The following SP100 variants were observed in gnomAD, a reference collection of about 807,000 sequenced individuals.
SP100 encodes the protein nuclear autoantigen Sp-100.
Under a neutral mutation model 130.0 loss-of-function variants are expected in SP100, and 84 were observed. That is an observed-to-expected ratio of 0.65 (90% confidence interval 0.54 to 0.77). The LOEUF (loss-of-function observed/expected upper bound fraction) is 0.77. Ranked by LOEUF, SP100 falls within the 30% of genes least tolerant of loss-of-function variation. The pLI, the probability that SP100 is intolerant of heterozygous loss-of-function variation, is 0.00. For synonymous variants in SP100, 331 were observed against 351.7 expected, an observed-to-expected ratio of 0.94 and a Z score of 0.66; for missense variants, 978 against 1,052.2, an observed-to-expected ratio of 0.93 and a Z score of 0.97.
chr2:230,524,179 C>CAAAAA (rs71420292), intron 24 of SP100, among the ~76,000 whole-genome samples: 11 of 75,374 alleles, frequency 1.5e-4, no homozygotes, highest in African/African-American at 3.2e-4. Context: ...ACTAAAAATA[C>CAAAAA]AAAAAAAAAA....
intron 2 of SP100, among the ~76,000 whole-genome samples, chr2:230,431,282 C>T (rs2063091893): frequency 6.6e-6 from 1 of 152,228 alleles, no homozygotes; most frequent in East Asian, 1.9e-4. Context: ...AGAATTGGGC[C>T]TCCTAAGAAG....
rs561487781 is a variant in SP100, at chr2:230,526,540, A to AACACAC, written c.2095-12724_2095-12723insCACACA. ...GATTGCAGCTCCTCACCAGCAAGGGAACAAAACTGGACGGAGAATGAGTTT... is the reference window on the plus strand; with the variant it reads ...GATTGCAGCTCCTCACCAGCAAGGGAACACACACAAAACTGGACGGAGAATGAGTTT... On this transcript the variant is annotated intron_variant, in intron 24 of 28. Transcript: ENST00000340126. Among the ~76,000 whole-genome samples, 15 of 152,306 alleles carry AACACAC rather than the reference A, an allele frequency of 9.8e-5. No individual in the cohort carries two copies. The South Asian group carries it at 2.9e-3, about 29-fold the overall frequency.
intron 2 of SP100, among the ~76,000 whole-genome samples, chr2:230,431,917 CTGTTT>C (rs2063111197): frequency 6.6e-6 from 1 of 152,048 alleles, no homozygotes; most frequent in Admixed American, 6.6e-5. Flanking sequence ...TAAAATTCTC[CTGTTT>C]TAAGTGTGTA....
chr2:230,427,749 C>T (rs1056110345), intron 2 of SP100, among the ~76,000 whole-genome samples: 3 of 152,116 alleles, frequency 2.0e-5, no homozygotes, highest in African/African-American at 7.2e-5. Context: ...TACTATGAGG[C>T]TTACATAAAA....
intron 10 of SP100, among the ~76,000 whole-genome samples, chr2:230,463,035 C>T (rs1253512655): frequency 4.6e-5 from 7 of 152,160 alleles, no homozygotes; most frequent in African/African-American, 1.7e-4. Context: ...TGATAGAGTT[C>T]TTCAGCAAGT....
intron 8 of SP100, among the ~76,000 whole-genome samples, chr2:230,452,729 T>A (rs562103406): frequency 1.3e-5 from 2 of 152,216 alleles, no homozygotes; most frequent in East Asian, 3.9e-4. Flanking sequence ...TTTCAGAGAG[T>A]TTATTGTTAG....
At chr2:230,464,009 T>G (rs927598813) in intron 10 of SP100, 58 bp from the exon 11 acceptor site, 3 of 1,175,012 alleles carry the variant, frequency 2.6e-6, no homozygotes, top group Non-Finnish European at 2.5e-6. Context: ...AATTTCCTAC[T>G]GAACTGATTC....
chr2:230,455,097 C>G (rs1413928386), intron 8 of SP100, among the ~76,000 whole-genome samples: 1 of 152,030 alleles, frequency 6.6e-6, no homozygotes, highest in African/African-American at 2.4e-5. Flanking sequence ...GTTTTGGAGA[C>G]AGGGTCTTGC....
chr2:230,467,596 G>A (rs2065027385), intron 13 of SP100, among the ~76,000 whole-genome samples: 1 of 152,216 alleles, frequency 6.6e-6, no homozygotes, highest in African/African-American at 2.4e-5. Context: ...CAAGAGAAGA[G>A]AGCTTCTGCT....
intron 25 of SP100, among the ~76,000 whole-genome samples, chr2:230,540,234 G>T (rs1184830178): frequency 1.3e-5 from 2 of 152,198 alleles, no homozygotes; most frequent in African/African-American, 4.8e-5. Flanking sequence ...TGGCCAAGGG[G>T]ATGCTGGCAT....
intron 24 of SP100, among the ~76,000 whole-genome samples, chr2:230,525,854 A>AC (rs201388285): frequency 0.014 from 2,105 of 152,290 alleles, 47 homozygotes; most frequent in African/African-American, 0.047. Context: ...AGGGGCACCC[A>AC]CCATTGCTAA....
chr2:230,426,489 A>G (rs1229764598), intron 2 of SP100, among the ~76,000 whole-genome samples: 1 of 150,656 alleles, frequency 6.6e-6, no homozygotes, highest in South Asian at 2.1e-4. Flanking sequence ...TCTTTGATCT[A>G]TTGGTTATTC....
chr2:230,449,343 C>A (rs2063855856), intron 6 of SP100, 193 bp downstream of exon 6: 1 of 777,606 alleles, frequency 1.3e-6, no homozygotes, highest in East Asian at 2.6e-5. Flanking sequence ...TCCTCCCACA[C>A]CCCTTAATCA....
At position 230,467,128 on chromosome 2, in the gene SP100, C is replaced by A; in HGVS notation, c.1204C>A (p.Gln402Lys). 1 of 1,613,358 alleles carries A rather than the reference C, an allele frequency of 6.2e-7. No individual in the cohort carries two copies. Among genetic ancestry groups the A allele is most frequent in the Non-Finnish European group, 8.5e-7 (1 of 1,179,324 alleles). The stretch of plus-strand genomic sequence containing the variant: ...TTTGCTCCTTTCTGCAGTGATAGGA[C>A]AAGACCACGACTTTTCAGAATCCAG... ...RESFKKRVIG[Q>K]DHDFSESSEE... The change falls in exon 13 of 29, where the codon CAA becomes AAA. Residue 402 changes from glutamine to lysine, a missense_variant. By Grantham distance (53) the Gln-to-Lys change is moderately conservative (BLOSUM62 1). Coordinates refer to ENST00000340126, the MANE Select transcript of SP100 (RefSeq NM_001080391.2).
Position 230,420,897 on chromosome 2 carries a change from C to T in SP100, c.107+3232C>T, listed in dbSNP as rs192428466. The stretch of plus-strand genomic sequence containing the variant: ...TGTATTTTGAAATGATGTGCTGATA[C>T]AGCTCTTTGTAATTTTTCAAGTTTC... On this transcript the variant is annotated intron_variant, in intron 2 of 28. Coordinates refer to ENST00000340126, the MANE Select transcript of SP100 (RefSeq NM_001080391.2). 1.6e-4 allele frequency among the ~76,000 whole-genome samples: 25 copies of T among 152,218 alleles called. No individual in the cohort carries two copies. The East Asian group carries it at 2.3e-3, about 14-fold the overall frequency.
At chr2:230,522,004 G>A (rs1373577423) in intron 24 of SP100, among the ~76,000 whole-genome samples, 1 of 152,174 alleles carries the variant, frequency 6.6e-6, no homozygotes, top group Non-Finnish European at 1.5e-5. Flanking sequence ...GAAACACCCT[G>A]ACTGTTTTGA....
At position 230,460,678 on chromosome 2, in the gene SP100, C is replaced by A. The variant is rs1356362824; in HGVS notation, c.821-584C>A. Among the ~76,000 whole-genome samples the A allele has an allele frequency of 1.0e-4, 2 of 19,522 alleles. 1 individual carries two copies. Among genetic ancestry groups the A allele is most frequent in the Non-Finnish European group, 2.0e-4 (2 of 10,084 alleles). The allele number at this position is 19,522 out of a possible 152,430, so 12.8% of individuals were successfully genotyped here. ...GTCGCCCAGGCCGGACTGCGGACTG[C>A]AGTGGCGCAATCTCGGCTCACTGCA... On this transcript the variant is annotated intron_variant, in intron 8 of 28. Transcript: ENST00000340126.
At chr2:230,449,052 G>T in intron 5 of SP100, 36 bp from the exon 6 acceptor site, 2 of 1,325,084 alleles carry the variant, frequency 1.5e-6, no homozygotes, top group Non-Finnish European at 2.2e-6. Context: ...TCCATACCTC[G>T]ATTTCTGAAA....
chr2:230,473,118 C>T, intron 15 of SP100: 1 of 467,686 alleles, frequency 2.1e-6, no homozygotes, highest in Non-Finnish European at 3.9e-6. Flanking sequence ...ATTAATTGAC[C>T]CTTTATTTCA....
Sources: allele counts gnomAD v4.1 joint callset (sites outside exome capture counted in the v4.1 genomes callset), GRCh38; gene constraint gnomAD v4.1.1; transcripts MANE v1.5; gene names NCBI Gene and HGNC (gene_info 2026-07-23, HGNC 2026-07-21).